The following FAM171A1 variants were observed in gnomAD, a reference collection of about 807,000 sequenced individuals.
FAM171A1 encodes family with sequence similarity 171 member A1.
Under a neutral mutation model 74.9 loss-of-function variants are expected in FAM171A1, and 23 were observed. The observed-to-expected ratio is 0.31, with a 90% CI of 0.22 to 0.44. The LOEUF is 0.44. Among genes scored for constraint, FAM171A1 ranks in the 20% least tolerant of loss-of-function variants. The pLI, the probability that FAM171A1 is intolerant of heterozygous loss-of-function variation, is 1.00. For synonymous variants in FAM171A1, 527 were observed against 505.7 expected (o/e 1.04, Z -0.57); for missense variants, 1,162 against 1,159.2 (o/e 1.00, Z -0.03).
intron 1 of FAM171A1, among the ~76,000 whole-genome samples, chr10:15,320,983 G>A (rs537039179): frequency 7.9e-5 from 12 of 152,258 alleles, no homozygotes; most frequent in South Asian, 2.1e-4. Flanking sequence ...GATGTAACAC[G>A]GGTGAATGCT....
chr10:15,242,201 G>A (rs1034430238), intron 5 of FAM171A1, among the ~76,000 whole-genome samples: 12 of 151,870 alleles, frequency 7.9e-5, no homozygotes, highest in South Asian at 2.1e-4. Flanking sequence ...ATCTAATACC[G>A]TCTTTAGATT....
intron 5 of FAM171A1, among the ~76,000 whole-genome samples, chr10:15,225,034 G>A (rs939848813): frequency 2.6e-5 from 4 of 152,180 alleles, no homozygotes; most frequent in African/African-American, 4.8e-5. Flanking sequence ...TGGGTCTTCC[G>A]TGTCTTGGCA....
At chr10:15,345,011 A>C (rs1004667193) in intron 1 of FAM171A1, among the ~76,000 whole-genome samples, 1 of 152,158 alleles carries the variant, frequency 6.6e-6, no homozygotes, top group African/African-American at 2.4e-5. Context: ...TTCAACTCAC[A>C]CCTTGCGTCA....
chr10:15,284,118 A>G lies in FAM171A1; in HGVS notation c.98-13T>C. ...TTTAACGTCACCTCTGGAGGTAGAG[A>G]AAGCACAAAGAACAGCTACTGTCAA... On this transcript the variant is annotated splice_polypyrimidine_tract_variant and intron_variant, in intron 1 of 7. Coordinates refer to ENST00000378116, the MANE Select transcript of FAM171A1 (RefSeq NM_001010924.2). 1 of 1,611,096 alleles carries G rather than the reference A, an allele frequency of 6.2e-7. No homozygotes were observed. Among genetic ancestry groups the G allele is most frequent in the South Asian group, 1.1e-5 (1 of 90,968 alleles).
chr10:15,355,777 C>A lies in FAM171A1; in HGVS notation c.97+15179G>T, dbSNP rs549418245. 7.2e-5 allele frequency among the ~76,000 whole-genome samples: 11 copies of A among 152,100 alleles called. No homozygotes were observed. In the South Asian group the frequency reaches 1.0e-3, roughly 14 times the overall value. Reference sequence around the variant, plus strand: ...AAGAGGGAACAGGCATCAAAACAGTCCCATATCACCTCCAGTTCCATACCT... The same window carrying A: ...AAGAGGGAACAGGCATCAAAACAGTACCATATCACCTCCAGTTCCATACCT... On this transcript the variant is annotated intron_variant, in intron 1 of 7. Transcript: ENST00000378116.
intron 1 of FAM171A1, 110 bp downstream of exon 1, chr10:15,370,846 G>T: frequency 2.9e-6 from 1 of 340,256 alleles, no homozygotes. Context: ...GGCTCGGGCT[G>T]CGTCGCCACC....
At chr10:15,295,889 G>A (rs1835155857) in intron 1 of FAM171A1, among the ~76,000 whole-genome samples, 1 of 152,176 alleles carries the variant, frequency 6.6e-6, no homozygotes, top group Non-Finnish European at 1.5e-5. Flanking sequence ...AGTTACGACG[G>A]CTTTTCATCT....
rs867019961 is a variant in FAM171A1 at position 15,212,840 on chromosome 10, C to T, written c.*75G>A. ...CTGGGCTGCCGTTCCGTTTCCTCCA[C>T]GAACGGGTACGCGCTTCCATGAGAA... is the stretch of plus-strand genomic sequence containing the variant. On this transcript the variant is annotated 3_prime_UTR_variant, in exon 8 of 8. Coordinates refer to ENST00000378116, the MANE Select transcript of FAM171A1 (RefSeq NM_001010924.2). 7 of 1,560,748 alleles carry T rather than the reference C, an allele frequency of 4.5e-6. No individual in the cohort carries two copies. Among genetic ancestry groups the T allele is most frequent in the African/African-American group, 1.4e-5 (1 of 73,228 alleles).
chr10:15,263,558 C>G (rs1270625820), intron 3 of FAM171A1, among the ~76,000 whole-genome samples: 4 of 152,120 alleles, frequency 2.6e-5, no homozygotes, highest in Admixed American at 1.3e-4. Flanking sequence ...GGGGGAATAT[C>G]CCTCTTGTTG....
intron 3 of FAM171A1, among the ~76,000 whole-genome samples, chr10:15,273,424 C>T (rs969660861): frequency 2.0e-5 from 3 of 152,114 alleles, no homozygotes; most frequent in Non-Finnish European, 4.4e-5. Context: ...AAAGAAAGTC[C>T]AGGACCAGAC....
intron 1 of FAM171A1, among the ~76,000 whole-genome samples, chr10:15,313,656 A>G (rs1835389669): frequency 1.3e-5 from 2 of 152,214 alleles, no homozygotes; most frequent in African/African-American, 4.8e-5. Flanking sequence ...CAAGTCTTTC[A>G]TAAGAAATCA....
chr10:15,332,594 A>T (rs1835653065), intron 1 of FAM171A1, among the ~76,000 whole-genome samples: 2 of 152,186 alleles, frequency 1.3e-5, no homozygotes, highest in African/African-American at 4.8e-5. Context: ...CATATGATAG[A>T]GTTTGCCAAC....
intron 1 of FAM171A1, among the ~76,000 whole-genome samples, chr10:15,345,884 G>A (rs769350826): frequency 9.8e-5 from 15 of 152,286 alleles, no homozygotes; most frequent in Middle Eastern, 3.4e-3. Flanking sequence ...CTGGGGTGAC[G>A]GAGGCTCCAG....
intron 1 of FAM171A1, among the ~76,000 whole-genome samples, chr10:15,329,383 G>A (rs911508290): frequency 3.3e-5 from 5 of 152,114 alleles, no homozygotes; most frequent in Non-Finnish European, 4.4e-5. Flanking sequence ...GCTTGGTGGC[G>A]CACAATTGTA....
intron 1 of FAM171A1, among the ~76,000 whole-genome samples, chr10:15,329,445 G>A (rs1835600189): frequency 6.6e-6 from 1 of 152,064 alleles, no homozygotes; most frequent in Non-Finnish European, 1.5e-5. Context: ...GTGCCCAGGA[G>A]TTTGAGACCA....
intron 1 of FAM171A1, among the ~76,000 whole-genome samples, chr10:15,308,099 G>A (rs75362091): frequency 0.012 from 1,841 of 152,194 alleles, 36 homozygotes; most frequent in African/African-American, 0.042. Flanking sequence ...TGAGCTACCA[G>A]GCCCAGAAAA....
intron 1 of FAM171A1, among the ~76,000 whole-genome samples, chr10:15,336,600 T>C (rs185963264): frequency 1.1e-4 from 17 of 152,186 alleles, no homozygotes; most frequent in Non-Finnish European, 1.8e-4. Flanking sequence ...CACGGACTTA[T>C]GATGTGGTTG....
At chr10:15,305,042 A>G (rs971971672) in intron 1 of FAM171A1, among the ~76,000 whole-genome samples, 1 of 152,092 alleles carries the variant, frequency 6.6e-6, no homozygotes, top group East Asian at 1.9e-4. Context: ...CGGCCAAGTA[A>G]CTATCTTCCC....
chr10:15,339,193 A>G (rs936484291), intron 1 of FAM171A1, among the ~76,000 whole-genome samples: 7 of 152,272 alleles, frequency 4.6e-5, no homozygotes, highest in African/African-American at 1.2e-4. Flanking sequence ...TGCAGAGACA[A>G]CACTGAGAAT....
Sources: gnomAD v4.1 joint callset for allele counts (sites outside exome capture counted in the v4.1 genomes callset) on GRCh38, gnomAD v4.1.1 for gene constraint, MANE v1.5 for transcripts, NCBI Gene and HGNC (gene_info 2026-07-23, HGNC 2026-07-21) for gene names.